Variants in ANXA5 observed in about 807,000 individuals in gnomAD.
The protein encoded by ANXA5 is annexin A5.
Under a neutral mutation model 48.1 loss-of-function variants are expected in ANXA5, and 40 were observed. The observed-to-expected ratio is 0.83, with a 90% confidence interval of 0.65 to 1.08. ANXA5 has a LOEUF of 1.08. Ranked by LOEUF, ANXA5 falls within the 50% of genes least tolerant of loss-of-function variation. The pLI is 0.00. For synonymous variants in ANXA5, 113 were observed against 129.1 expected (o/e 0.88, Z 0.85); for missense variants, 357 against 376.8 (o/e 0.95, Z 0.44).
At chr4:121,686,837 T>G (rs184059949) in intron 2 of ANXA5, among the ~76,000 whole-genome samples, 14 of 152,316 alleles carry the variant, frequency 9.2e-5, no homozygotes, top group African/African-American at 3.4e-4. Context: ...GACTTTACGA[T>G]AACCCAGCAA....
chr4:121,678,661 G>A (rs1413268823), intron 6 of ANXA5, among the ~76,000 whole-genome samples, 167 bp from the exon 7 acceptor site: 2 of 152,168 alleles, frequency 1.3e-5, no homozygotes, highest in Non-Finnish European at 2.9e-5. Flanking sequence ...CTTTCAGTGA[G>A]TGGTTGGACA....
In ANXA5 at chr4:121,668,450, G is replaced by A. The variant is rs1456411786; in HGVS notation, c.*18C>T. On this transcript the variant is annotated 3_prime_UTR_variant, in exon 13 of 13. Transcript: ENST00000296511. ...GGGTGGTGCAGGCACACAGCAGGGA[G>A]CTCTTCCCCGTGACACGTTAGTCAT... is the stretch of plus-strand genomic sequence containing the variant. The A allele has an allele frequency of 2.5e-6, 4 of 1,612,636 alleles. No individual in the cohort carries two copies. The highest frequency in any genetic ancestry group is 3.4e-6 in the Non-Finnish European group (4 of 1,178,988).
intron 2 of ANXA5, among the ~76,000 whole-genome samples, chr4:121,690,331 A>C (rs954946315): frequency 6.6e-6 from 1 of 152,164 alleles, no homozygotes; most frequent in Non-Finnish European, 1.5e-5. Flanking sequence ...AGAAAATCCA[A>C]GGAGGGTGAT....
intron 2 of ANXA5, among the ~76,000 whole-genome samples, chr4:121,694,729 A>T (rs1332469218): frequency 6.6e-6 from 1 of 152,230 alleles, no homozygotes; most frequent in Non-Finnish European, 1.5e-5. Context: ...GATTTCCAAA[A>T]ATAGTAACAA....
chr4:121,696,124 T>G (rs1725076060), intron 2 of ANXA5, among the ~76,000 whole-genome samples: 1 of 120,750 alleles, frequency 8.3e-6, no homozygotes, highest in African/African-American at 3.2e-5. Flanking sequence ...CAATGCTCAA[T>G]CACAGTATTA....
intron 3 of ANXA5, among the ~76,000 whole-genome samples, chr4:121,686,029 CTT>C (rs60663589): frequency 7.8e-5 from 11 of 140,346 alleles, no homozygotes; most frequent in Non-Finnish European, 7.6e-5. Flanking sequence ...AATTTTTTTG[CTT>C]TTTTTTTTTT....
At chr4:121,682,519 G>A (rs1165314647) in intron 5 of ANXA5, among the ~76,000 whole-genome samples, 1 of 151,878 alleles carries the variant, frequency 6.6e-6, no homozygotes, top group Admixed American at 6.6e-5. Flanking sequence ...TCATTCTCTG[G>A]CAGAATTTCA....
chr4:121,696,593 G>A lies in ANXA5; in HGVS notation c.-4C>T. 1 of 1,429,914 alleles carries A rather than the reference G, an allele frequency of 7.0e-7. No individual in the cohort carries two copies. Among genetic ancestry groups the A allele is most frequent in the African/African-American group, 1.5e-5 (1 of 68,296 alleles). 88.6% of individuals were successfully genotyped at this position (1,429,914 alleles called of 1,614,324 possible). On this transcript the variant is annotated 5_prime_UTR_variant, in exon 2 of 13. Transcript: ENST00000296511. ...CGCACGGCCTTACCTGTGCCATGGC[G>A]ACTACTCAGGTCAGGGGAAGGTGAA... is the stretch of plus-strand genomic sequence containing the variant.
At chr4:121,681,802 T>G (rs1183999850) in intron 5 of ANXA5, 41 bp from the exon 6 acceptor site, 4 of 1,430,776 alleles carry the variant, frequency 2.8e-6, no homozygotes, top group Admixed American at 3.6e-5. Context: ...TCAATAAGAT[T>G]AAAAAGAAAG....
intron 6 of ANXA5, among the ~76,000 whole-genome samples, chr4:121,679,816 G>A (rs61014002): frequency 0.049 from 7,389 of 152,078 alleles, 587 homozygotes; most frequent in African/African-American, 0.17. Flanking sequence ...ATATGTGTAC[G>A]TTGTGAAATG....
Position 121,668,474 on chromosome 4 carries a change from A to T in ANXA5, c.957T>A (p.Asp319Glu). 6.2e-7 allele frequency: 1 copy of T among 1,613,484 alleles called. No individual in the cohort carries two copies. The highest frequency in any genetic ancestry group is 8.5e-7 in the Non-Finnish European group (1 of 1,179,562). The change falls in exon 13 of 13, where the codon GAT (aspartate) becomes GAA (glutamate). Residue 319 changes from aspartate (D) to glutamate (E), a missense_variant. By Grantham distance (45) the Asp-to-Glu change is conservative. Transcript: ENST00000296511. ...AGCTCTTCCCCGTGACACGTTAGTC[A>T]TCTTCTCCACAGAGCAGCAGAAGAG... Reference protein sequence around the residue: ...KKALLLLCGEDD With the variant: ...KKALLLLCGEED
rs202047619 is a variant in ANXA5 at position 121,685,415 on chromosome 4, T to C, written c.95-644A>G. 1.6e-4 allele frequency among the ~76,000 whole-genome samples: 24 copies of C among 152,040 alleles called. No individual in the cohort carries two copies. The East Asian group carries it at 2.5e-3, about 16-fold the overall frequency. On this transcript the variant is annotated intron_variant, in intron 3 of 12. Transcript: ENST00000296511. ...ATGGAGAAGGTGACACCCACAAGTA[T>C]TGAAGGATGGAAGGATTGTGAAAGG... is the stretch of plus-strand genomic sequence containing the variant.
At chr4:121,688,588 G>A (rs952297167) in intron 2 of ANXA5, among the ~76,000 whole-genome samples, 2 of 152,086 alleles carry the variant, frequency 1.3e-5, no homozygotes, top group Admixed American at 6.5e-5. Context: ...TTCAACTGTA[G>A]TCCTTACCCT....
intron 2 of ANXA5, among the ~76,000 whole-genome samples, chr4:121,688,894 G>C (rs928853496): frequency 6.6e-6 from 1 of 152,158 alleles, no homozygotes; most frequent in African/African-American, 2.4e-5. Flanking sequence ...TCTCCCACTT[G>C]TCTCGTGGAG....
intron 8 of ANXA5, among the ~76,000 whole-genome samples, chr4:121,675,182 T>C (rs1724677908): frequency 6.6e-6 from 1 of 152,222 alleles, no homozygotes; most frequent in African/African-American, 2.4e-5. Context: ...TTAAAAGTAT[T>C]AAATCAATTT....
At position 121,681,697 on chromosome 4, in the gene ANXA5, C is replaced by T; in HGVS notation, c.368G>A (p.Arg123Lys). The T allele has an allele frequency of 6.2e-7, 1 of 1,612,538 alleles. No individual in the cohort carries two copies. The highest frequency in any genetic ancestry group is 1.3e-5 in the African/African-American group (1 of 74,964). ...IIASRTPEEL[R>K]AIKQVYEEEY... ...TTCTTCATAAACTTGTTTGATGGCT[C>T]TCAGTTCTTCAGGTGTCCTTGAAGC... Residue 123 changes from arginine (R) to lysine (K), a missense_variant, in exon 6 of 13, where the codon AGA becomes AAA. Physicochemically the swap from Arg to Lys is conservative, Grantham distance 26. Transcript: ENST00000296511.
chr4:121,671,622 T>C lies in ANXA5; in HGVS notation c.646A>G (p.Ile216Val), dbSNP rs752790362. Residue 216 changes from isoleucine (I) to valine (V), a missense_variant, in exon 10 of 13, where the codon ATA (isoleucine) becomes GTA (valine). Physicochemically the swap from Ile to Val is conservative, Grantham distance 29. Coordinates refer to ENST00000296511, the MANE Select transcript of ANXA5 (RefSeq NM_001154.4). ...GTTTCCTCAATTTGAAATCCTGATA[T>C]AGTCATGTACTTGTCAAACACTAGA... ...LRKVFDKYMT[I>V]SGFQIEETID... 9.9e-6 allele frequency: 16 copies of C among 1,612,364 alleles called. No homozygotes were observed. The highest frequency in any genetic ancestry group is 3.3e-5 in the South Asian group (3 of 91,042).
At chr4:121,686,815 T>C (rs1724898643) in intron 2 of ANXA5, among the ~76,000 whole-genome samples, 1 of 152,194 alleles carries the variant, frequency 6.6e-6, no homozygotes, top group African/African-American at 2.4e-5. Flanking sequence ...TGTTTCTGTA[T>C]ACATACTTAG....
At chr4:121,683,231 G>A (rs1390652946) in intron 5 of ANXA5, 133 bp downstream of exon 5, 1 of 487,404 alleles carries the variant, frequency 2.1e-6, no homozygotes, top group Non-Finnish European at 3.6e-6. Flanking sequence ...TTGCCTCCCA[G>A]TTTTGTCTGC....
Sources: gnomAD v4.1 joint callset for allele counts (sites outside exome capture counted in the v4.1 genomes callset) on GRCh38, gnomAD v4.1.1 for gene constraint, MANE v1.5 for transcripts, NCBI Gene and HGNC (gene_info 2026-07-23, HGNC 2026-07-21) for gene names.